The following KCND2 variants were observed in gnomAD, a reference collection of about 807,000 sequenced individuals.
KCND2 encodes the protein potassium voltage-gated channel subfamily D member 2.
Under a neutral mutation model 54.4 loss-of-function variants are expected in KCND2, and 16 were observed. That is an observed-to-expected ratio of 0.29 (90% CI 0.20 to 0.45). The LOEUF (loss-of-function observed/expected upper bound fraction) is 0.45. KCND2 is among the 20% of genes least tolerant of loss of function. The pLI is 1.00. For synonymous variants in KCND2, 317 were observed against 310.7 expected (o/e 1.02, Z -0.21); for missense variants, 486 against 824.2 (o/e 0.59, Z 5.02).
intron 1 of KCND2, among the ~76,000 whole-genome samples, chr7:120,443,720 C>G (rs2116200491): frequency 6.6e-6 from 1 of 151,988 alleles, no homozygotes; most frequent in Admixed American, 6.6e-5. Context: ...TGTCCAATAC[C>G]TAAGCTCACT....
chr7:120,647,924 T>TATGCATAGAAGTATGTATGCA (rs1793462605), intron 1 of KCND2, among the ~76,000 whole-genome samples: 1 of 152,232 alleles, frequency 6.6e-6, no homozygotes. Flanking sequence ...ATATAGATAT[T>TATGCATAGAAGTATGTATGCA]TATCTTGTTA....
intron 1 of KCND2, among the ~76,000 whole-genome samples, chr7:120,374,435 G>A (rs574387775): frequency 3.2e-4 from 49 of 151,628 alleles, no homozygotes; most frequent in East Asian, 1.2e-3. Context: ...AAGTGGATTC[G>A]AACTAGGGTT....
chr7:120,637,835 A>C (rs76980048), intron 1 of KCND2, among the ~76,000 whole-genome samples: 1 of 152,098 alleles, frequency 6.6e-6, no homozygotes, highest in Non-Finnish European at 1.5e-5. Flanking sequence ...TCTAGGACCT[A>C]GCTTGAAGAA....
At chr7:120,293,770 G>A (rs1799471230) in intron 1 of KCND2, among the ~76,000 whole-genome samples, 1 of 151,694 alleles carries the variant, frequency 6.6e-6, no homozygotes, top group Admixed American at 6.6e-5. Context: ...ATTTTACAGT[G>A]AAAAAAATGT....
intron 1 of KCND2, among the ~76,000 whole-genome samples, chr7:120,323,958 C>T: frequency 1.7e-5 from 2 of 117,770 alleles, no homozygotes; most frequent in Non-Finnish European, 3.6e-5. Flanking sequence ...TCTCCAGCAC[C>T]TGTTGTTTCC....
intron 1 of KCND2, among the ~76,000 whole-genome samples, chr7:120,432,206 A>G (rs567983206): frequency 6.6e-6 from 1 of 152,286 alleles, no homozygotes; most frequent in South Asian, 2.1e-4. Flanking sequence ...TTTCATTACT[A>G]TATCCATCCT....
intron 1 of KCND2, among the ~76,000 whole-genome samples, chr7:120,522,243 T>G (rs1791708278): frequency 6.6e-6 from 1 of 152,196 alleles, no homozygotes; most frequent in African/African-American, 2.4e-5. Flanking sequence ...AGCTTTCATT[T>G]GAGCCTTTTA....
At chr7:120,385,533 G>A (rs1800975693) in intron 1 of KCND2, among the ~76,000 whole-genome samples, 1 of 152,076 alleles carries the variant, frequency 6.6e-6, no homozygotes, top group Admixed American at 6.6e-5. Context: ...GCTGAAAAGG[G>A]AGAACTTTTA....
chr7:120,677,189 C>A (rs1264087457), intron 1 of KCND2, among the ~76,000 whole-genome samples: 2 of 151,950 alleles, frequency 1.3e-5, no homozygotes, highest in Non-Finnish European at 1.5e-5. Flanking sequence ...AAGTAAAGGA[C>A]CTGCTAGAAT....
At chr7:120,302,199 A>G (rs943381320) in intron 1 of KCND2, among the ~76,000 whole-genome samples, 1 of 152,192 alleles carries the variant, frequency 6.6e-6, no homozygotes, top group Non-Finnish European at 1.5e-5. Context: ...ATCTAGTTAC[A>G]TTATTACTTT....
intron 1 of KCND2, among the ~76,000 whole-genome samples, chr7:120,688,375 C>T (rs1372925600): frequency 1.3e-5 from 2 of 152,074 alleles, no homozygotes; most frequent in Non-Finnish European, 2.9e-5. Context: ...TTTCATTTAT[C>T]GACACTGAAA....
intron 1 of KCND2, among the ~76,000 whole-genome samples, chr7:120,610,664 C>T (rs1019984145): frequency 2.0e-5 from 3 of 152,054 alleles, no homozygotes; most frequent in East Asian, 3.9e-4. Context: ...CAAATAAACA[C>T]GAGATAGATA....
intron 1 of KCND2, among the ~76,000 whole-genome samples, chr7:120,304,925 G>A (rs1375494059): frequency 5.9e-5 from 9 of 152,112 alleles, no homozygotes; most frequent in Non-Finnish European, 1.0e-4. Context: ...CTGCTAATAC[G>A]TTGAAATGCT....
intron 1 of KCND2, among the ~76,000 whole-genome samples, chr7:120,686,910 T>A (rs1792209274): frequency 6.6e-6 from 1 of 152,162 alleles, no homozygotes; most frequent in Non-Finnish European, 1.5e-5. Flanking sequence ...TGTTTCTATC[T>A]ATTGGAAGAC....
intron 1 of KCND2, among the ~76,000 whole-genome samples, chr7:120,727,128 T>A (rs1336999416): frequency 6.6e-6 from 1 of 151,912 alleles, no homozygotes; most frequent in African/African-American, 2.4e-5. Flanking sequence ...TTTATACCCA[T>A]CAAATAAAAA....
chr7:120,298,345 G>A (rs1316200730), intron 1 of KCND2, among the ~76,000 whole-genome samples: 2 of 152,120 alleles, frequency 1.3e-5, no homozygotes, highest in Non-Finnish European at 2.9e-5. Flanking sequence ...TGTTATGATG[G>A]TATTGAAAAC....
intron 1 of KCND2, among the ~76,000 whole-genome samples, chr7:120,347,753 G>A (rs1303901798): frequency 6.8e-6 from 1 of 146,712 alleles, no homozygotes; most frequent in Non-Finnish European, 1.5e-5. Context: ...GTGAAACTCT[G>A]TCTCAAAAAA....
At chr7:120,422,662 C>T (rs1239716323) in intron 1 of KCND2, among the ~76,000 whole-genome samples, 5 of 152,180 alleles carry the variant, frequency 3.3e-5, no homozygotes, top group Non-Finnish European at 5.9e-5. Context: ...GGCTCAGAAC[C>T]TTCTTCCGTC....
chr7:120,448,999 C>G (rs1229869648), intron 1 of KCND2, among the ~76,000 whole-genome samples: 1 of 152,156 alleles, frequency 6.6e-6, no homozygotes, highest in East Asian at 1.9e-4. Flanking sequence ...TACCAGCTCC[C>G]TTTCACCTAA....
Sources: gnomAD v4.1 joint callset for allele counts (sites outside exome capture counted in the v4.1 genomes callset) on GRCh38, gnomAD v4.1.1 for gene constraint, MANE v1.5 for transcripts, NCBI Gene and HGNC (gene_info 2026-07-23, HGNC 2026-07-21) for gene names.